Variants in DYNC2H1 observed in about 807,000 individuals in gnomAD.
DYNC2H1 encodes the protein dynein cytoplasmic 2 heavy chain 1.
A neutral mutation model predicts 570.0 loss-of-function variants in DYNC2H1; 410 were observed. The observed-to-expected ratio is 0.72, with a 90% CI of 0.66 to 0.78. The LOEUF is 0.78. Among genes scored for constraint, DYNC2H1 ranks in the 30% least tolerant of loss-of-function variants. The pLI, the probability that DYNC2H1 is intolerant of heterozygous loss-of-function variation, is 0.00. For missense variants in DYNC2H1, 4,865 were observed against 5,046.4 expected, an observed-to-expected ratio of 0.96 and a Z score of 1.09; for synonymous variants, 1,688 against 1,677.6, an observed-to-expected ratio of 1.01 and a Z score of -0.15.
At chr11:103,159,080 AG>A (rs1411730225) in intron 28 of DYNC2H1, 53 bp downstream of exon 28, 12 of 1,421,230 alleles carry the variant, frequency 8.4e-6, no homozygotes, top group Non-Finnish European at 1.1e-5. Flanking sequence ...ACTGTCTGCC[AG>A]GCCTAATATT....
chr11:103,139,155 A>C (rs1188179847), intron 17 of DYNC2H1, among the ~76,000 whole-genome samples: 1 of 152,060 alleles, frequency 6.6e-6, no homozygotes, highest in Non-Finnish European at 1.5e-5. Context: ...TGATCCTTTC[A>C]AAAAACCAGT....
chr11:103,179,643 G>A (rs1861768863), intron 39 of DYNC2H1, among the ~76,000 whole-genome samples: 1 of 151,604 alleles, frequency 6.6e-6, no homozygotes, highest in Non-Finnish European at 1.5e-5. Context: ...TTTAATTTTA[G>A]ATTCACAGAA....
intron 47 of DYNC2H1, among the ~76,000 whole-genome samples, chr11:103,192,796 G>C (rs1485745090): frequency 6.6e-6 from 1 of 152,102 alleles, no homozygotes; most frequent in African/African-American, 2.4e-5. Flanking sequence ...GAAAACTATC[G>C]TGGGAGTAAT....
At chr11:103,360,416 A>G (rs1940582933) in intron 83 of DYNC2H1, among the ~76,000 whole-genome samples, 1 of 152,126 alleles carries the variant, frequency 6.6e-6, no homozygotes, top group African/African-American at 2.4e-5. Context: ...ACTTACTATC[A>G]TTACTTACTA....
At position 103,231,280 on chromosome 11, in the gene DYNC2H1, A is replaced by G; in HGVS notation, c.9374A>G (p.Asp3125Gly). 1 of 1,604,880 alleles carries G rather than the reference A, an allele frequency of 6.2e-7. No homozygotes were observed. The highest frequency in any genetic ancestry group is 8.5e-7 in the Non-Finnish European group (1 of 1,175,964). The change falls in exon 60 of 89, where the codon GAC becomes GGC. Residue 3125 changes from aspartate to glycine, a missense_variant. Asp to Gly is a moderately conservative substitution (Grantham distance 94). This residue lies in a region of DYNC2H1 where 2,401 missense variants were observed against 2,454.6 expected (regional missense o/e 0.98). Transcript: ENST00000375735. Reference protein sequence around the residue: ...GLESNLKKTEDRKRKLEELLN... With the variant: ...GLESNLKKTEGRKRKLEELLN... ...TTTAGGAATCTGAAGAAAACTGAAG[A>G]CAGAAAAAGGAAACTAGAGGAGCTT...
In DYNC2H1 at chr11:103,170,136, C is replaced by T. The variant is rs771078334; in HGVS notation, c.4997C>T (p.Pro1666Leu). Reference protein sequence around the residue: ...QGNASKLVYTPLTDKCYLTLT... With the variant: ...QGNASKLVYTLLTDKCYLTLT... ...AATGCTTCCAAACTGGTTTATACTC[C>T]ACTGACAGACAAGTGCTACTTAACT... The change falls in exon 33 of 89, where the codon CCA becomes CTA. Residue 1666 changes from proline (P) to leucine (L), a missense_variant. By Grantham distance (98) the Pro-to-Leu change is moderately conservative. Around this residue, in one of 5 missense-constraint regions of DYNC2H1, gnomAD observed 1,936 missense variants for 1,962.1 expected, o/e 0.99. Transcript: ENST00000375735. This position sits in a 1 kb window ranked among gnomAD's most constrained non-coding sequence, Gnocchi z 4.8. 1.2e-6 allele frequency: 2 copies of T among 1,612,742 alleles called. No homozygotes were observed.
intron 30 of DYNC2H1, among the ~76,000 whole-genome samples, chr11:103,164,757 T>G (rs1281692186): frequency 1.3e-5 from 2 of 152,224 alleles, no homozygotes; most frequent in Non-Finnish European, 2.9e-5. Context: ...CCTATCCAGC[T>G]GTCTTAACAG....
intron 83 of DYNC2H1, among the ~76,000 whole-genome samples, chr11:103,374,839 A>G (rs780619300): frequency 4.4e-4 from 67 of 152,202 alleles, no homozygotes; most frequent in Non-Finnish European, 8.1e-4. Flanking sequence ...CAGTCTGACG[A>G]TGCAGTAGAA....
chr11:103,134,319 A>G lies in DYNC2H1; in HGVS notation c.2107-2A>G. ...AGACTAGCATGCTCTAATTTTTCATAGGTGGTTGTTCTTATGAATATTGAT... is the reference window on the plus strand; with the variant it reads ...AGACTAGCATGCTCTAATTTTTCATGGGTGGTTGTTCTTATGAATATTGAT... On this transcript the variant is annotated splice_acceptor_variant, in intron 14 of 88. Transcript: ENST00000375735. LOFTEE classifies it high-confidence loss of function. 1 of 1,612,366 alleles carries G rather than the reference A, an allele frequency of 6.2e-7. No individual in the cohort carries two copies. Among genetic ancestry groups the G allele is most frequent in the Non-Finnish European group, 8.5e-7 (1 of 1,178,848 alleles).
intron 82 of DYNC2H1, among the ~76,000 whole-genome samples, chr11:103,351,502 C>T (rs957705469): frequency 1.3e-5 from 2 of 152,102 alleles, no homozygotes; most frequent in African/African-American, 4.8e-5. Flanking sequence ...ATAACAATCT[C>T]CCAAATCTTT....
intron 82 of DYNC2H1, among the ~76,000 whole-genome samples, chr11:103,348,503 G>A (rs1939870441): frequency 6.6e-6 from 1 of 152,064 alleles, no homozygotes; most frequent in Non-Finnish European, 1.5e-5. Flanking sequence ...TATCAGTATG[G>A]ATTAGTTTGC....
chr11:103,423,167 A>G (rs780165704), intron 84 of DYNC2H1, among the ~76,000 whole-genome samples: 1 of 152,092 alleles, frequency 6.6e-6, no homozygotes, highest in Non-Finnish European at 1.5e-5. Context: ...ACAGAGATCA[A>G]TGAAATGGAA....
intron 70 of DYNC2H1, among the ~76,000 whole-genome samples, chr11:103,271,025 G>A (rs116649933): frequency 0.027 from 4,158 of 152,222 alleles, 187 homozygotes; most frequent in African/African-American, 0.092. Flanking sequence ...CGCTCACCTT[G>A]CCTCCATTTC....
chr11:103,314,454 T>A (rs1937695597), intron 79 of DYNC2H1, among the ~76,000 whole-genome samples: 1 of 152,110 alleles, frequency 6.6e-6, no homozygotes, highest in Non-Finnish European at 1.5e-5. Context: ...TGGGCATATA[T>A]ATTCTTTTCA....
intron 35 of DYNC2H1, 70 bp downstream of exon 35, chr11:103,173,375 A>T (rs1269138786): frequency 1.9e-6 from 2 of 1,078,722 alleles, no homozygotes; most frequent in Non-Finnish European, 2.5e-6. Context: ...ATTAGTGATC[A>T]TTTTCATATT....
At chr11:103,477,845 A>AG (rs1945608396) in intron 88 of DYNC2H1, among the ~76,000 whole-genome samples, 1 of 151,434 alleles carries the variant, frequency 6.6e-6, no homozygotes, top group Admixed American at 6.6e-5. Flanking sequence ...AAAAAAAAAA[A>AG]AAAAAAAAAA....
intron 85 of DYNC2H1, among the ~76,000 whole-genome samples, chr11:103,437,186 A>G: frequency 6.6e-6 from 1 of 152,110 alleles, no homozygotes; most frequent in Admixed American, 6.6e-5. Flanking sequence ...GCTGTGAGAT[A>G]TGACCACTTG....
At chr11:103,386,013 C>T (rs976685165) in intron 83 of DYNC2H1, among the ~76,000 whole-genome samples, 1 of 152,140 alleles carries the variant, frequency 6.6e-6, no homozygotes, top group African/African-American at 2.4e-5. Flanking sequence ...TAGAATACCT[C>T]TGTTCACATT....
In DYNC2H1 at chr11:103,130,801, G is replaced by A. The variant is rs59504889; in HGVS notation, c.1953+1796G>A. Among the ~76,000 whole-genome samples, 1,065 of 152,170 alleles carry A rather than the reference G, an allele frequency of 7.0e-3. 8 individuals carry two copies. The highest frequency in any genetic ancestry group is 0.024 in the African/African-American group (1,005 of 41,516). ...AAAGTCTGTTGATATTTCTGAGGAG[G>A]AAACTTATTTTGTAAAATTGTGTTG... On this transcript the variant is annotated intron_variant, in intron 13 of 88. Coordinates refer to ENST00000375735, the MANE Select transcript of DYNC2H1 (RefSeq NM_001377.3).
Sources: allele counts gnomAD v4.1 joint callset (sites outside exome capture counted in the v4.1 genomes callset), GRCh38; gene constraint gnomAD v4.1.1; regional missense constraint gnomAD v4.1.1; non-coding constraint Gnocchi (gnomAD v3.1); transcripts MANE v1.5; gene names NCBI Gene and HGNC (gene_info 2026-07-23, HGNC 2026-07-21).